The following VIRMA variants were observed in gnomAD, a reference collection of about 807,000 sequenced individuals.
The protein encoded by VIRMA is vir like m6A methyltransferase associated.
VIRMA carries 65 observed loss-of-function variants against 182.4 expected under a neutral mutation model. The observed-to-expected ratio is 0.36, with a 90% CI of 0.29 to 0.44. The LOEUF is 0.44. Ranked by LOEUF, VIRMA falls within the 20% of genes least tolerant of loss-of-function variation. The pLI, the probability that VIRMA is intolerant of heterozygous loss-of-function variation, is 1.00. For synonymous variants in VIRMA, 709 were observed against 743.1 expected (o/e 0.95, Z 0.75); for missense variants, 1,752 against 2,158.1 (o/e 0.81, Z 3.73).
At chr8:94,539,629 GCAT>G (rs1329484598) in intron 2 of VIRMA, among the ~76,000 whole-genome samples, 5 of 152,098 alleles carry the variant, frequency 3.3e-5, no homozygotes, top group Non-Finnish European at 4.4e-5. Flanking sequence ...GCACAAACAG[GCAT>G]CATCATTCTG....
chr8:94,546,808 C>A (rs1303311128), intron 1 of VIRMA: 1 of 403,898 alleles, frequency 2.5e-6, no homozygotes, highest in South Asian at 1.8e-5. Context: ...AACACATTCT[C>A]CTACTGAAGT....
In VIRMA at chr8:94,488,531, T is replaced by C. The variant is rs1586055872; in HGVS notation, c.*175A>G. ...AATATATACAAACGTACATACAAAG[T>C]TTGGATTTTTATTGAAATCTTGTTA... is the stretch of plus-strand genomic sequence containing the variant. On this transcript the variant is annotated 3_prime_UTR_variant, in exon 24 of 24. Coordinates refer to ENST00000297591, the MANE Select transcript of VIRMA (RefSeq NM_015496.5). The C allele has an allele frequency of 3.8e-6, 2 of 529,622 alleles. No homozygotes were observed. The highest frequency in any genetic ancestry group is 5.9e-5 in the East Asian group (2 of 33,830). 32.8% of individuals were successfully genotyped at this position (529,622 alleles called of 1,614,324 possible).
At position 94,526,944 on chromosome 8, in the gene VIRMA, A is replaced by C; in HGVS notation, c.1300T>G (p.Trp434Gly). 1 of 1,614,256 alleles carries C rather than the reference A, an allele frequency of 6.2e-7. No homozygotes were observed. Among genetic ancestry groups the C allele is most frequent in the Non-Finnish European group, 8.5e-7 (1 of 1,180,038 alleles). Reference sequence around the variant, plus strand: ...TGTAAATTTAAAGCTTGCATGGTCCAGTCTACCAACTGGCCAAGGGAGTCT... The same window carrying C: ...TGTAAATTTAAAGCTTGCATGGTCCCGTCTACCAACTGGCCAAGGGAGTCT... ...KQDSLGQLVDWTMQALNLQVA... is the reference protein window; with the variant it reads ...KQDSLGQLVDGTMQALNLQVA... Residue 434 changes from tryptophan (W) to glycine (G), a missense_variant, in exon 8 of 24, where the codon TGG (tryptophan) becomes GGG (glycine). Trp to Gly is a radical substitution (Grantham distance 184). Transcript: ENST00000297591.
At chr8:94,552,347 A>G (rs1816020230) in intron 1 of VIRMA, among the ~76,000 whole-genome samples, 1 of 152,136 alleles carries the variant, frequency 6.6e-6, no homozygotes, top group African/African-American at 2.4e-5. Flanking sequence ...AAGAAAGAAC[A>G]TTTTAAACAT....
chr8:94,518,093 C>T (rs1243258905), intron 9 of VIRMA, 151 bp from the exon 10 acceptor site: 1 of 581,786 alleles, frequency 1.7e-6, no homozygotes. Context: ...TCAGATTTTA[C>T]AGTTCATATC....
rs188135858 is a variant in VIRMA at position 94,528,003 on chromosome 8, C to T, written c.881-640G>A. Among the ~76,000 whole-genome samples, 344 of 152,074 alleles carry T rather than the reference C, an allele frequency of 2.3e-3. 1 individual carries two copies. Among genetic ancestry groups the T allele is most frequent in the Non-Finnish European group, 3.6e-3 (248 of 67,988 alleles). ...ATCCCAGCACTTTGGGAGGCCAAGC[C>T]GGGCAGATCACTTGAGGTCAGGAGT... On this transcript the variant is annotated intron_variant, in intron 7 of 23. Transcript: ENST00000297591.
At chr8:94,509,420 A>G (rs1285965796) in intron 15 of VIRMA, among the ~76,000 whole-genome samples, 1 of 151,886 alleles carries the variant, frequency 6.6e-6, no homozygotes, top group Non-Finnish European at 1.5e-5. Flanking sequence ...AAAAAGAATG[A>G]CTTGGTGTGT....
At chr8:94,534,711 C>T (rs886752453) in intron 5 of VIRMA, 128 bp downstream of exon 5, 4 of 1,083,676 alleles carry the variant, frequency 3.7e-6, no homozygotes, top group African/African-American at 3.2e-5. Flanking sequence ...CTCTCTCCCC[C>T]TCTCTTCCTC....
intron 10 of VIRMA, 64 bp downstream of exon 10, chr8:94,517,724 C>T (rs1814607450): frequency 3.4e-6 from 4 of 1,161,362 alleles, no homozygotes; most frequent in South Asian, 1.5e-5. Flanking sequence ...GGACTAATTA[C>T]AGATATTCAA....
chr8:94,499,690 C>A (rs978319509), intron 16 of VIRMA, among the ~76,000 whole-genome samples, 184 bp from the exon 17 acceptor site: 8 of 152,024 alleles, frequency 5.3e-5, no homozygotes, highest in African/African-American at 1.9e-4. Flanking sequence ...TTACCAACTC[C>A]TTTTAAAGCT....
chr8:94,492,009 C>A, intron 21 of VIRMA, 100 bp from the exon 22 acceptor site: 2 of 853,992 alleles, frequency 2.3e-6, no homozygotes, highest in Non-Finnish European at 3.5e-6. Context: ...TTTTTGTACT[C>A]CAATTCTGCT....
intron 23 of VIRMA, among the ~76,000 whole-genome samples, chr8:94,489,612 T>C (rs1813548460): frequency 6.6e-6 from 1 of 152,194 alleles, no homozygotes; most frequent in Admixed American, 6.5e-5. Flanking sequence ...CACTTAATAG[T>C]AAATGTATTT....
Position 94,526,466 on chromosome 8 carries a change from C to G in VIRMA, c.1778G>C (p.Gly593Ala). The G allele has an allele frequency of 6.2e-7, 1 of 1,613,952 alleles. No homozygotes were observed. The highest frequency in any genetic ancestry group is 2.2e-5 in the East Asian group (1 of 44,882). ...HSEPDHDTDA[G>A]LERTNPEYEN... is the part of the protein sequence containing the mutation. ...ATATTCTGGGTTTGTTCTCTCAAGTCCAGCATCTGTGTCGTGATCAGGTTC... is the reference window on the plus strand; with the variant it reads ...ATATTCTGGGTTTGTTCTCTCAAGTGCAGCATCTGTGTCGTGATCAGGTTC... The change falls in exon 8 of 24, where the codon GGA (glycine) becomes GCA (alanine). Residue 593 changes from glycine to alanine, a missense_variant. This residue lies in a region of VIRMA where 401 missense variants were observed against 455.1 expected (regional missense o/e 0.88). Coordinates refer to ENST00000297591, the MANE Select transcript of VIRMA (RefSeq NM_015496.5).
Position 94,513,886 on chromosome 8 carries a change from T to C in VIRMA, c.2751+983A>G, listed in dbSNP as rs550831164. ...AACACGGAAGAATATGATGGCACCA[T>C]AGGAAGTAAAAGTACTCTTAGGAGA... On this transcript the variant is annotated intron_variant, in intron 11 of 23. Transcript: ENST00000297591. 2.0e-5 allele frequency among the ~76,000 whole-genome samples: 3 copies of C among 152,166 alleles called. No individual in the cohort carries two copies. In the South Asian group the frequency reaches 6.2e-4, roughly 32 times the overall value.
chr8:94,495,732 T>G lies in VIRMA; in HGVS notation c.4543A>C (p.Arg1515=), dbSNP rs1284826546. ...ATCATAAAACATTGTGTATTTTACCTATTGTTAAACAGATTCTGAAGAGAT... is the reference window on the plus strand; with the variant it reads ...ATCATAAAACATTGTGTATTTTACCGATTGTTAAACAGATTCTGAAGAGAT... ...PESLQNLFNN[R]TAYVLADVMD... Residue 1515 remains arginine, a splice_region_variant and synonymous_variant, in exon 19 of 24, where the codon AGG becomes CGG. Transcript: ENST00000297591. 6.2e-7 allele frequency: 1 copy of G among 1,612,158 alleles called. No individual in the cohort carries two copies. Among genetic ancestry groups the G allele is most frequent in the South Asian group, 1.1e-5 (1 of 90,754 alleles).
intron 8 of VIRMA, among the ~76,000 whole-genome samples, chr8:94,520,918 G>A (rs1814738177): frequency 6.6e-6 from 1 of 152,136 alleles, no homozygotes; most frequent in Non-Finnish European, 1.5e-5. Context: ...TCTTTTATGA[G>A]ACGAAATCTA....
intron 8 of VIRMA, among the ~76,000 whole-genome samples, chr8:94,522,993 G>A (rs1342839776): frequency 6.6e-6 from 1 of 151,838 alleles, no homozygotes; most frequent in Non-Finnish European, 1.5e-5. Context: ...TCCATATGGT[G>A]GGAAAAAAAC....
chr8:94,530,926 C>T (rs1586099965), intron 6 of VIRMA, 37 bp downstream of exon 6: 1 of 1,585,542 alleles, frequency 6.3e-7, no homozygotes, highest in Non-Finnish European at 8.6e-7. Flanking sequence ...GTACTATTAA[C>T]TAGGGGGGAA....
chr8:94,510,379 A>T (rs1459474777), intron 14 of VIRMA, 38 bp downstream of exon 14: 36 of 1,531,370 alleles, frequency 2.4e-5, no homozygotes, highest in Non-Finnish European at 3.2e-5. Context: ...TGTCAAAAAT[A>T]ATTTGAGGAA....
Sources: gnomAD v4.1 joint callset for allele counts (sites outside exome capture counted in the v4.1 genomes callset) on GRCh38, gnomAD v4.1.1 for gene constraint, gnomAD v4.1.1 regional missense constraint, MANE v1.5 for transcripts, NCBI Gene and HGNC (gene_info 2026-07-23, HGNC 2026-07-21) for gene names.